Variants in CDH4 observed in about 807,000 individuals in gnomAD.
CDH4 encodes the protein cadherin-4.
Under a neutral mutation model 86.0 loss-of-function variants are expected in CDH4, and 33 were observed. The ratio of observed to expected loss-of-function variants is 0.38; its 90% confidence interval spans 0.29 to 0.51. CDH4 has a LOEUF of 0.51. CDH4 is among the 20% of genes least tolerant of loss of function. The pLI is 0.86. For missense variants in CDH4, 1,114 were observed against 1,307.4 expected (o/e 0.85, Z 2.28); for synonymous variants, 555 against 549.4 (o/e 1.01, Z -0.14).
intron 2 of CDH4, among the ~76,000 whole-genome samples, chr20:61,335,590 T>C (rs2084612626): frequency 6.6e-6 from 1 of 152,178 alleles, no homozygotes; most frequent in Non-Finnish European, 1.5e-5. Flanking sequence ...CCATGACTCA[T>C]TCAGATTTCC....
chr20:61,445,336 G>A (rs557583093), intron 2 of CDH4, among the ~76,000 whole-genome samples: 1 of 152,312 alleles, frequency 6.6e-6, no homozygotes. Flanking sequence ...GTCTGACTCC[G>A]AAGGAAAGGT....
rs1393190805 is a variant in CDH4 at position 61,392,940 on chromosome 20, C to T, written c.169+138003C>T. On this transcript the variant is annotated intron_variant, in intron 2 of 15. Transcript: ENST00000614565. The surrounding 1 kb of genome is among the most constrained non-coding windows in gnomAD (Gnocchi z 5.7). ...CAGGGAAGGAGGTGCAGATACTCACCCCGATACCCACCAAGGGCAGCCGAG... is the reference window on the plus strand; with the variant it reads ...CAGGGAAGGAGGTGCAGATACTCACTCCGATACCCACCAAGGGCAGCCGAG... 6.6e-6 allele frequency among the ~76,000 whole-genome samples: 1 copy of T among 152,092 alleles called. No homozygotes were observed. The highest frequency in any genetic ancestry group is 1.9e-4 in the East Asian group (1 of 5,180).
chr20:61,422,251 C>A (rs2085181820), intron 2 of CDH4, among the ~76,000 whole-genome samples: 1 of 151,390 alleles, frequency 6.6e-6, no homozygotes, highest in Non-Finnish European at 1.5e-5. Context: ...ATGGAGAAAC[C>A]TAATCTCTAC....
intron 4 of CDH4, among the ~76,000 whole-genome samples, chr20:61,801,534 A>G (rs1185195150): frequency 6.6e-6 from 1 of 152,204 alleles, no homozygotes; most frequent in Non-Finnish European, 1.5e-5. Flanking sequence ...CAGGTGGCAG[A>G]GAACAGCCCC....
chr20:61,688,740 A>G (rs2087618021), intron 2 of CDH4, among the ~76,000 whole-genome samples: 1 of 152,240 alleles, frequency 6.6e-6, no homozygotes, highest in Non-Finnish European at 1.5e-5. Context: ...TCAATCTGAG[A>G]GCTGTTAAGG....
At chr20:61,387,605 CACACACAGACAAAAAGAT>C (rs2084959094) in intron 2 of CDH4, among the ~76,000 whole-genome samples, 1 of 149,552 alleles carries the variant, frequency 6.7e-6, no homozygotes, top group Non-Finnish European at 1.5e-5. Context: ...GCCACACAAA[CACACACAGACAAAAAGAT>C]ACACACAGAC....
At chr20:61,462,211 G>A (rs759114693) in intron 2 of CDH4, among the ~76,000 whole-genome samples, 2 of 152,190 alleles carry the variant, frequency 1.3e-5, no homozygotes, top group Non-Finnish European at 2.9e-5. Context: ...TCTTGTTACA[G>A]GTTTGAATTT....
chr20:61,597,509 TG>T (rs1447864135), intron 2 of CDH4, among the ~76,000 whole-genome samples: 1 of 152,236 alleles, frequency 6.6e-6, no homozygotes, highest in African/African-American at 2.4e-5. Flanking sequence ...CCATACCTTC[TG>T]GCAGATCCAG....
chr20:61,600,506 C>T (rs2086591890), intron 2 of CDH4, among the ~76,000 whole-genome samples: 1 of 152,122 alleles, frequency 6.6e-6, no homozygotes, highest in African/African-American at 2.4e-5. Flanking sequence ...GCTCAGGTGG[C>T]GGGACAGCGG....
At chr20:61,329,195 C>T (rs1270667729) in intron 2 of CDH4, among the ~76,000 whole-genome samples, 1 of 152,194 alleles carries the variant, frequency 6.6e-6, no homozygotes, top group East Asian at 1.9e-4. Context: ...TGTAGTTCAG[C>T]TGTCATTTAA....
At chr20:61,851,476 A>G (rs962121966) in intron 5 of CDH4, among the ~76,000 whole-genome samples, 3 of 152,142 alleles carry the variant, frequency 2.0e-5, no homozygotes, top group Non-Finnish European at 4.4e-5. Flanking sequence ...GAGGCAGGCC[A>G]CCAAGGGGAT....
intron 2 of CDH4, among the ~76,000 whole-genome samples, chr20:61,584,869 TGTC>T (rs34349488): frequency 0.99 from 150,483 of 152,246 alleles, 74,371 homozygotes; most frequent in East Asian, 1. Context: ...ACTGCACACT[TGTC>T]GTCTGCAGGT....
At chr20:61,707,504 G>A (rs6121771) in intron 2 of CDH4, among the ~76,000 whole-genome samples, 26,938 of 152,172 alleles carry the variant, frequency 0.18, 2,653 homozygotes, top group Admixed American at 0.25. Flanking sequence ...TGTGAGTGCC[G>A]TGTAATCCTT....
intron 8 of CDH4, among the ~76,000 whole-genome samples, chr20:61,896,294 C>T (rs959909662): frequency 6.6e-6 from 1 of 152,174 alleles, no homozygotes; most frequent in Non-Finnish European, 1.5e-5. Context: ...AGGAGGGAGA[C>T]GCTCCTCCCG....
chr20:61,445,745 T>C (rs1219402819), intron 2 of CDH4, among the ~76,000 whole-genome samples: 1 of 152,248 alleles, frequency 6.6e-6, no homozygotes, highest in Non-Finnish European at 1.5e-5. Context: ...TAAAGCCATG[T>C]TGCAGCATTA....
At chr20:61,370,516 C>T (rs1316250170) in intron 2 of CDH4, 1 of 152,172 alleles carries the variant, frequency 6.6e-6, no homozygotes, top group Non-Finnish European at 1.5e-5. Context: ...CAGGGGTTTC[C>T]TCCTCTATAG....
At chr20:61,852,626 C>A in intron 5 of CDH4, 128 bp from the exon 6 acceptor site, 1 of 862,606 alleles carries the variant, frequency 1.2e-6, no homozygotes, top group Non-Finnish European at 1.7e-6. Context: ...TGTCCAAAGC[C>A]CCCCGGCCCC....
Position 61,681,084 on chromosome 20 carries a change from AATT to A in CDH4, c.170-62474_170-62472del, listed in dbSNP as rs1387743114. Among the ~76,000 whole-genome samples the A allele has an allele frequency of 2.0e-5, 3 of 152,220 alleles. No individual in the cohort carries two copies. In the East Asian group the frequency reaches 5.8e-4, roughly 29 times the overall value. On this transcript the variant is annotated intron_variant, in intron 2 of 15. Transcript: ENST00000614565. The surrounding 1 kb of genome is among the most constrained non-coding windows in gnomAD (Gnocchi z 4.5). ...CTAACATAATCCCTCTGTGCCGTGC[AATT>A]ATTAACACATCGCTTGAGGGCATTG...
intron 2 of CDH4, among the ~76,000 whole-genome samples, chr20:61,705,093 CG>C (rs1284757298): frequency 1.3e-5 from 2 of 152,244 alleles, no homozygotes; most frequent in Admixed American, 1.3e-4. Flanking sequence ...CGCTTTGTCT[CG>C]TTGGCATGTC....
Sources: gnomAD v4.1 joint callset for allele counts (sites outside exome capture counted in the v4.1 genomes callset) on GRCh38, gnomAD v4.1.1 for gene constraint, Gnocchi (gnomAD v3.1) non-coding constraint, MANE v1.5 for transcripts, NCBI Gene and HGNC (gene_info 2026-07-23, HGNC 2026-07-21) for gene names.